Variants in PLVAP observed in about 807,000 individuals in gnomAD.
PLVAP encodes plasmalemma vesicle-associated protein.
PLVAP carries 34 observed loss-of-function variants against 43.1 expected under a neutral mutation model. The ratio of observed to expected loss-of-function variants is 0.79; its 90% CI spans 0.60 to 1.05. The LOEUF is 1.05. Ranked by LOEUF, PLVAP falls within the 50% of genes least tolerant of loss-of-function variation. The pLI, the probability that PLVAP is intolerant of heterozygous loss-of-function variation, is 0.00. For synonymous variants in PLVAP, 241 were observed against 237.3 expected (o/e 1.02, Z -0.14); for missense variants, 574 against 593.4 (o/e 0.97, Z 0.34).
At chr19:17,368,648 C>T (rs964730743) in intron 1 of PLVAP, among the ~76,000 whole-genome samples, 2 of 152,048 alleles carry the variant, frequency 1.3e-5, no homozygotes, top group Admixed American at 6.6e-5. Context: ...CAAGAGCAGA[C>T]ACAGGAAGAA....
chr19:17,359,417 CTT>C (rs372822116), intron 5 of PLVAP, among the ~76,000 whole-genome samples: 2,308 of 149,122 alleles, frequency 0.015, 50 homozygotes, highest in East Asian at 0.069. Context: ...ACCAGCCTCT[CTT>C]TTTTTGAGAC....
chr19:17,368,542 T>A (rs982443125), intron 1 of PLVAP, among the ~76,000 whole-genome samples: 1 of 152,100 alleles, frequency 6.6e-6, no homozygotes, highest in African/African-American at 2.4e-5. Context: ...GTAATTAAGT[T>A]AAGGTGAGGT....
intron 4 of PLVAP, 50 bp from the exon 5 acceptor site, chr19:17,360,659 C>G (rs551663358): frequency 6.3e-7 from 1 of 1,586,458 alleles, no homozygotes; most frequent in Admixed American, 1.7e-5. Context: ...GTTGCCCCTG[C>G]CCCTGGGCTA....
chr19:17,367,077 G>A (rs912963123), intron 1 of PLVAP, among the ~76,000 whole-genome samples: 2 of 151,218 alleles, frequency 1.3e-5, no homozygotes, highest in Non-Finnish European at 2.9e-5. Context: ...CGAGGAGCTA[G>A]GACTACAGGT....
chr19:17,366,256 C>G, intron 1 of PLVAP, 61 bp from the exon 2 acceptor site: 1 of 1,554,498 alleles, frequency 6.4e-7, no homozygotes, highest in South Asian at 1.1e-5. Flanking sequence ...CCAGGACTGC[C>G]TGGACCCAGA....
chr19:17,363,548 C>G (rs576630450), intron 3 of PLVAP, among the ~76,000 whole-genome samples: 2 of 125,570 alleles, frequency 1.6e-5, no homozygotes, highest in African/African-American at 6.3e-5. Flanking sequence ...CCCCTTCCCC[C>G]CTCCCTTCCA....
Position 17,365,456 on chromosome 19 carries a change from G to A in PLVAP, c.1009C>T (p.Gln337Ter). The A allele has an allele frequency of 1.9e-6, 3 of 1,613,012 alleles. No homozygotes were observed. Among genetic ancestry groups the A allele is most frequent in the Non-Finnish European group, 2.5e-6 (3 of 1,180,042 alleles). ...KEAQAREAKL[Q>*]AECSRQTQLA... ...TGGGTCTGCCGGGAGCATTCAGCTT[G>A]GAGCTTGGCCTCCCGGGCCTGAGCC... The change falls in exon 3 of 6, where the codon CAA (glutamine) becomes TAA (stop). Residue 337 changes from glutamine (Q) to a stop codon, truncating the protein, a stop_gained. Transcript: ENST00000252590. LOFTEE classifies it high-confidence loss of function.
rs867336628 is a variant in PLVAP, at chr19:17,370,978, C to A, written c.370-4783G>T. 8.8e-4 allele frequency among the ~76,000 whole-genome samples: 133 copies of A among 151,470 alleles called. 2 individuals are homozygous for A. Among genetic ancestry groups the A allele is most frequent in the African/African-American group, 2.9e-3 (118 of 41,376 alleles). On this transcript the variant is annotated intron_variant, in intron 1 of 5. Transcript: ENST00000252590. ...GGCTGAGGCAGGAGAATGGCGTGAACCTGGGAGGCAGAGCTTGCAATGAGC... is the reference window on the plus strand; with the variant it reads ...GGCTGAGGCAGGAGAATGGCGTGAAACTGGGAGGCAGAGCTTGCAATGAGC...
At chr19:17,357,034 C>T (rs997374810) in intron 5 of PLVAP, among the ~76,000 whole-genome samples, 14 of 152,070 alleles carry the variant, frequency 9.2e-5, no homozygotes, top group African/African-American at 3.1e-4. Flanking sequence ...AATCCCAGCA[C>T]TTTGGGAGGC....
chr19:17,376,186 A>AT (rs1429650661), intron 1 of PLVAP, among the ~76,000 whole-genome samples: 1 of 152,044 alleles, frequency 6.6e-6, no homozygotes, highest in Non-Finnish European at 1.5e-5. Flanking sequence ...TCCAAAAAAA[A>AT]GAAAAGAAAT....
chr19:17,355,124 T>C (rs2074501297), intron 5 of PLVAP, among the ~76,000 whole-genome samples: 1 of 149,372 alleles, frequency 6.7e-6, no homozygotes, highest in South Asian at 2.1e-4. Flanking sequence ...CTCGGGAGGC[T>C]GAGGCAGGAG....
chr19:17,365,181 C>T, intron 3 of PLVAP, 105 bp downstream of exon 3: 2 of 1,030,048 alleles, frequency 1.9e-6, no homozygotes, highest in Non-Finnish European at 2.8e-6. Flanking sequence ...CCAACCTAGA[C>T]CAGGAAGCCA....
At chr19:17,376,536 G>A (rs1035177347) in intron 1 of PLVAP, among the ~76,000 whole-genome samples, 4 of 152,080 alleles carry the variant, frequency 2.6e-5, no homozygotes, top group South Asian at 2.1e-4. Context: ...AGTGGCTCAC[G>A]CTTGTAATCC....
rs781666053 is a variant in PLVAP at position 17,377,129 on chromosome 19, C to T, written c.160G>A (p.Val54Met). ...GCCTGCAGGTTGGACTCTGTGCTCA[C>T]GTGCACGTTGCCATAGACCATGAAG... ...VLFMVYGNVH[V>M]STESNLQATE... is the part of the protein sequence containing the mutation. Residue 54 changes from valine (V) to methionine (M), a missense_variant, in exon 1 of 6, where the codon GTG (valine) becomes ATG (methionine). Coordinates refer to ENST00000252590, the MANE Select transcript of PLVAP (RefSeq NM_031310.3). The T allele has an allele frequency of 2.5e-6, 4 of 1,614,110 alleles. No homozygotes were observed. The highest frequency in any genetic ancestry group is 1.7e-5 in the Admixed American group (1 of 60,010).
chr19:17,374,291 C>A (rs895678003), intron 1 of PLVAP, among the ~76,000 whole-genome samples: 3 of 152,098 alleles, frequency 2.0e-5, no homozygotes, highest in African/African-American at 7.2e-5. Context: ...ACAGTGAAAC[C>A]CGGTCTCTAC....
At chr19:17,356,315 AAAAG>A (rs1224685780) in intron 5 of PLVAP, among the ~76,000 whole-genome samples, 2 of 152,152 alleles carry the variant, frequency 1.3e-5, no homozygotes, top group African/African-American at 2.4e-5. Flanking sequence ...TCTAAAAAGA[AAAAG>A]AAAGATTTTT....
Position 17,352,035 on chromosome 19 carries a change from C to T in PLVAP, c.*327G>A, listed in dbSNP as rs1010891739. 1 of 396,810 alleles carries T rather than the reference C, an allele frequency of 2.5e-6. No individual in the cohort carries two copies. The highest frequency in any genetic ancestry group is 4.7e-6 in the Non-Finnish European group (1 of 214,430). The allele number at this position is 396,810 out of a possible 1,614,324, so 24.6% of individuals were successfully genotyped here. ...CCAAGTTCCCCATGTCTGTGTGCGACGTGCTGCATCTGCACGACGCCATCG... is the reference window on the plus strand; with the variant it reads ...CCAAGTTCCCCATGTCTGTGTGCGATGTGCTGCATCTGCACGACGCCATCG... On this transcript the variant is annotated 3_prime_UTR_variant, in exon 6 of 6. Coordinates refer to ENST00000252590, the MANE Select transcript of PLVAP (RefSeq NM_031310.3).
At chr19:17,369,437 C>A (rs558969996) in intron 1 of PLVAP, among the ~76,000 whole-genome samples, 1 of 148,060 alleles carries the variant, frequency 6.8e-6, no homozygotes, top group African/African-American at 2.4e-5. Flanking sequence ...CTGCCCACCA[C>A]CAGCCTGGCC....
Position 17,360,864 on chromosome 19 carries a change from G to C in PLVAP, c.1180-32C>G, listed in dbSNP as rs757113320. 4.4e-6 allele frequency: 7 copies of C among 1,581,474 alleles called. No homozygotes were observed. The South Asian group carries it at 7.7e-5, about 18-fold the overall frequency. On this transcript the variant is annotated intron_variant, in intron 3 of 5. Transcript: ENST00000252590. ...AAGAAAGATGGAGGGAGGTTGGTAG[G>C]AGCCAGGGCTTCCCAGACAGGCTTC...
Sources: gnomAD v4.1 joint callset for allele counts (sites outside exome capture counted in the v4.1 genomes callset) on GRCh38, gnomAD v4.1.1 for gene constraint, MANE v1.5 for transcripts, NCBI Gene and HGNC (gene_info 2026-07-23, HGNC 2026-07-21) for gene names.